Variants in CAMK1D observed in about 807,000 individuals in gnomAD.
CAMK1D encodes the protein calcium/calmodulin-dependent protein kinase type 1D.
In CAMK1D, 9 loss-of-function variants were observed where a neutral mutation model predicts 47.7. The ratio of observed to expected loss-of-function variants is 0.19; its 90% CI spans 0.11 to 0.33. The LOEUF (loss-of-function observed/expected upper bound fraction) is 0.33. CAMK1D is among the 10% of genes least tolerant of loss of function. The pLI is 1.00. For synonymous variants in CAMK1D, 184 were observed against 184.9 expected, an observed-to-expected ratio of 0.99 and a Z score of 0.04; for missense variants, 291 against 488.7, an observed-to-expected ratio of 0.60 and a Z score of 3.81.
intron 2 of CAMK1D, among the ~76,000 whole-genome samples, chr10:12,574,399 T>C (rs1341781864): frequency 1.3e-5 from 2 of 151,220 alleles, no homozygotes; most frequent in Non-Finnish European, 2.9e-5. Context: ...CTTCCTAGGT[T>C]CAAGCGATTC....
chr10:12,462,046 C>A (rs531125091), intron 1 of CAMK1D, among the ~76,000 whole-genome samples: 3 of 151,788 alleles, frequency 2.0e-5, no homozygotes, highest in Non-Finnish European at 4.4e-5. Flanking sequence ...AGAATGAGTG[C>A]GTGCTCCTAA....
chr10:12,782,005 T>G (rs1837522826), intron 5 of CAMK1D, among the ~76,000 whole-genome samples: 1 of 149,850 alleles, frequency 6.7e-6, no homozygotes, highest in African/African-American at 2.5e-5. Context: ...CATCCTGATC[T>G]ATTGCTAGAG....
At chr10:12,643,227 T>C (rs1390747266) in intron 2 of CAMK1D, among the ~76,000 whole-genome samples, 4 of 152,166 alleles carry the variant, frequency 2.6e-5, no homozygotes, top group African/African-American at 9.7e-5. Context: ...GGTCTCGAAC[T>C]CCTGACCTCA....
intron 2 of CAMK1D, among the ~76,000 whole-genome samples, chr10:12,613,756 G>A (rs535993405): frequency 1.8e-3 from 267 of 152,332 alleles, no homozygotes; most frequent in Middle Eastern, 0.01. Flanking sequence ...GGGATTACAG[G>A]CATGAGCCGC....
intron 1 of CAMK1D, among the ~76,000 whole-genome samples, chr10:12,395,065 ATTTTT>A (rs5783265): frequency 6.3e-5 from 6 of 94,726 alleles, no homozygotes; most frequent in South Asian, 3.7e-4. Context: ...TAAAATTTTA[ATTTTT>A]TTTTTTTTTT....
At chr10:12,638,551 C>T (rs1232834295) in intron 2 of CAMK1D, among the ~76,000 whole-genome samples, 2 of 152,148 alleles carry the variant, frequency 1.3e-5, no homozygotes, top group Admixed American at 1.3e-4. Flanking sequence ...CATCCGGAAG[C>T]CTTCCCTTGG....
At chr10:12,367,183 A>G (rs1183659260) in intron 1 of CAMK1D, among the ~76,000 whole-genome samples, 2 of 152,126 alleles carry the variant, frequency 1.3e-5, no homozygotes, top group African/African-American at 4.8e-5. Context: ...AGTAAGACAC[A>G]GGAAGCCAGC....
At chr10:12,761,754 C>A (rs187707958) in intron 4 of CAMK1D, among the ~76,000 whole-genome samples, 1 of 152,092 alleles carries the variant, frequency 6.6e-6, no homozygotes. Flanking sequence ...GGTGTGGTGG[C>A]GCGTGCCTGT....
chr10:12,735,495 A>C (rs942468090), intron 3 of CAMK1D, among the ~76,000 whole-genome samples: 1 of 152,118 alleles, frequency 6.6e-6, no homozygotes, highest in Non-Finnish European at 1.5e-5. Context: ...AAAGAAAAGA[A>C]AGTATCTTTT....
Position 12,769,792 on chromosome 10 carries a change from C to A in CAMK1D, c.558C>A (p.Gly186=). 6.2e-7 allele frequency: 1 copy of A among 1,614,092 alleles called. No individual in the cohort carries two copies. Among genetic ancestry groups the A allele is most frequent in the Non-Finnish European group, 8.5e-7 (1 of 1,179,948 alleles). The change falls in exon 5 of 11, where the codon GGC becomes GGA. Residue 186 remains glycine (G), a synonymous_variant. Coordinates refer to ENST00000619168, the MANE Select transcript of CAMK1D (RefSeq NM_153498.4). ...DVMSTACGTP[G]YVAPEVLAQK... ...TGTCCACTGCCTGTGGAACTCCAGG[C>A]TATGTCGGTAAGGACAGTGCATGTG...
At chr10:12,558,540 G>A (rs1048705833) in intron 2 of CAMK1D, among the ~76,000 whole-genome samples, 2 of 125,346 alleles carry the variant, frequency 1.6e-5, no homozygotes, top group Admixed American at 1.7e-4. Flanking sequence ...GGTAACAAGA[G>A]CAAAACTCCA....
At chr10:12,560,586 G>GA (rs1202591360) in intron 2 of CAMK1D, among the ~76,000 whole-genome samples, 1 of 149,138 alleles carries the variant, frequency 6.7e-6, no homozygotes, top group Non-Finnish European at 1.5e-5. Flanking sequence ...GAAGAAGAAA[G>GA]AAAAAAAGAA....
intron 1 of CAMK1D, among the ~76,000 whole-genome samples, chr10:12,426,779 A>G (rs1296361404): frequency 1.3e-5 from 2 of 152,000 alleles, no homozygotes; most frequent in South Asian, 2.1e-4. Context: ...CAATGGCGCT[A>G]TCTTGGCTCA....
intron 1 of CAMK1D, among the ~76,000 whole-genome samples, chr10:12,447,214 T>G (rs1344103847): frequency 6.6e-6 from 1 of 152,154 alleles, no homozygotes; most frequent in Non-Finnish European, 1.5e-5. Context: ...TTGTTCGAAG[T>G]CATTATCAAT....
intron 1 of CAMK1D, among the ~76,000 whole-genome samples, chr10:12,416,707 A>C (rs1370897374): frequency 2.6e-5 from 4 of 152,148 alleles, no homozygotes; most frequent in Admixed American, 2.0e-4. Flanking sequence ...CGGTGGAGAG[A>C]AGCAGAACTC....
At chr10:12,785,699 C>T (rs937449382) in intron 5 of CAMK1D, among the ~76,000 whole-genome samples, 4 of 152,162 alleles carry the variant, frequency 2.6e-5, no homozygotes, top group Non-Finnish European at 4.4e-5. Context: ...GTCCTTGCCA[C>T]GCGTCATAAA....
At chr10:12,546,205 G>T (rs1181052326) in intron 1 of CAMK1D, among the ~76,000 whole-genome samples, 1 of 152,162 alleles carries the variant, frequency 6.6e-6, no homozygotes, top group Non-Finnish European at 1.5e-5. Context: ...GTAGCAGTGG[G>T]CTCGCTGGGG....
intron 3 of CAMK1D, among the ~76,000 whole-genome samples, chr10:12,738,231 A>G (rs1179057026): frequency 6.6e-6 from 1 of 152,238 alleles, no homozygotes; most frequent in African/African-American, 2.4e-5. Context: ...ATACCTTAGT[A>G]AGAGCTCATA....
intron 1 of CAMK1D, among the ~76,000 whole-genome samples, chr10:12,460,495 C>T (rs1398506047): frequency 2.0e-5 from 3 of 152,096 alleles, no homozygotes; most frequent in Admixed American, 6.6e-5. Flanking sequence ...TGCAGTAGTG[C>T]GATCTCAGCT....
Sources: gnomAD v4.1 joint callset for allele counts (sites outside exome capture counted in the v4.1 genomes callset) on GRCh38, gnomAD v4.1.1 for gene constraint, MANE v1.5 for transcripts, NCBI Gene and HGNC (gene_info 2026-07-23, HGNC 2026-07-21) for gene names.